DNAAF1: variants seen among roughly 807,000 people sequenced by gnomAD.
The protein encoded by DNAAF1 is dynein assembly factor 1, axonemal.
A neutral mutation model predicts 71.1 loss-of-function variants in DNAAF1; 65 were observed. The ratio of observed to expected loss-of-function variants is 0.91; its 90% CI spans 0.75 to 1.12. The LOEUF is 1.12. DNAAF1 is among the 50% of genes most tolerant of loss of function. The pLI, the probability that DNAAF1 is intolerant of heterozygous loss-of-function variation, is 0.00. For missense variants in DNAAF1, 1,178 were observed against 899.8 expected, an observed-to-expected ratio of 1.31 and a Z score of -3.96; for synonymous variants, 414 against 354.6, an observed-to-expected ratio of 1.17 and a Z score of -1.88.
intron 6 of DNAAF1, among the ~76,000 whole-genome samples, chr16:84,160,178 G>A (rs2087633517): frequency 6.6e-6 from 1 of 152,146 alleles, no homozygotes; most frequent in African/African-American, 2.4e-5. Context: ...ACCATGAAAG[G>A]AAATCTTTGC....
At chr16:84,156,851 C>CTTTTTTTTTTTTTTT (rs778916785) in intron 5 of DNAAF1, among the ~76,000 whole-genome samples, 10 of 111,808 alleles carry the variant, frequency 8.9e-5, no homozygotes, top group African/African-American at 3.2e-4. Context: ...TTCTTTCTTT[C>CTTTTTTTTTTTTTTT]TTTTTTTTTT....
chr16:84,149,969 G>A (rs932182061), intron 2 of DNAAF1, among the ~76,000 whole-genome samples: 1 of 151,880 alleles, frequency 6.6e-6, no homozygotes, highest in Non-Finnish European at 1.5e-5. Context: ...AGTTTGCAGT[G>A]AGCTGAGATT....
intron 7 of DNAAF1, among the ~76,000 whole-genome samples, chr16:84,166,585 C>T (rs149418974): frequency 0.016 from 2,480 of 152,096 alleles, 54 homozygotes; most frequent in Middle Eastern, 0.031. Flanking sequence ...GTTGCCCACG[C>T]TGGTCTCAAA....
intron 5 of DNAAF1, among the ~76,000 whole-genome samples, chr16:84,156,337 A>C (rs1260513886): frequency 6.6e-6 from 1 of 152,224 alleles, no homozygotes; most frequent in Non-Finnish European, 1.5e-5. Context: ...AGCTGATTGC[A>C]TCCTTGTGGT....
Position 84,177,394 on chromosome 16 carries a change from G to A in DNAAF1, c.2066-335G>A, listed in dbSNP as rs4150190. ...AGGTTCAAGCAATTCTCCTGCCTCC[G>A]CCTCTGAAGTAGCTGGGATTACAGG... On this transcript the variant is annotated intron_variant, in intron 11 of 11. Transcript: ENST00000378553. 740 of 359,594 alleles carry A rather than the reference G, an allele frequency of 2.1e-3. 7 individuals carry two copies. The highest frequency in any genetic ancestry group is 0.014 in the African/African-American group (672 of 47,144). The allele number at this position is 359,594 out of a possible 1,614,324, so 22.3% of individuals were successfully genotyped here. A position where few individuals can be genotyped will look rare whatever the true frequency, so the allele number is the denominator to read the frequency against.
chr16:84,149,630 G>T (rs1397816592), intron 2 of DNAAF1, among the ~76,000 whole-genome samples: 1 of 146,578 alleles, frequency 6.8e-6, no homozygotes, highest in Non-Finnish European at 1.5e-5. Flanking sequence ...GGCGAAGGTT[G>T]CAGTGAGCCG....
Position 84,156,533 on chromosome 16 carries a change from T to C in DNAAF1, c.741+784T>C, listed in dbSNP as rs901155491. ...CTTTTGTTGTTTTAAGATTCACTAGTGGGTTCAGATATTGTCAGCCTGGTC... is the reference window on the plus strand; with the variant it reads ...CTTTTGTTGTTTTAAGATTCACTAGCGGGTTCAGATATTGTCAGCCTGGTC... On this transcript the variant is annotated intron_variant, in intron 5 of 11. Transcript: ENST00000378553. Among the ~76,000 whole-genome samples the C allele has an allele frequency of 2.6e-5, 4 of 152,226 alleles. 1 individual carries two copies. The highest frequency in any genetic ancestry group is 9.6e-5 in the African/African-American group (4 of 41,458).
chr16:84,176,954 G>A (rs1266702636), intron 11 of DNAAF1: 2 of 168,022 alleles, frequency 1.2e-5, no homozygotes, highest in East Asian at 1.6e-4. Context: ...GGGAGCAGCC[G>A]GTTAGTGCTG....
At chr16:84,168,831 C>CACACACACAT (rs1361108788) in intron 7 of DNAAF1, among the ~76,000 whole-genome samples, 3 of 150,982 alleles carry the variant, frequency 2.0e-5, no homozygotes, top group Non-Finnish European at 4.4e-5. Context: ...GCCACATACA[C>CACACACACAT]ACACACACAC....
intron 6 of DNAAF1, among the ~76,000 whole-genome samples, chr16:84,165,208 T>G (rs1474930449): frequency 6.6e-6 from 1 of 152,198 alleles, no homozygotes; most frequent in African/African-American, 2.4e-5. Context: ...TAGCCTGCCT[T>G]TTCATTTTTT....
At chr16:84,172,774 A>T in intron 9 of DNAAF1, 1 of 1,107,124 alleles carries the variant, frequency 9.0e-7, no homozygotes, top group South Asian at 2.4e-5. Context: ...GTATCTTTAT[A>T]CATTGTATCT....
At chr16:84,169,148 A>T (rs2088187552) in intron 7 of DNAAF1, among the ~76,000 whole-genome samples, 1 of 131,682 alleles carries the variant, frequency 7.6e-6, no homozygotes, top group Non-Finnish European at 1.5e-5. Flanking sequence ...GCGGTGACTC[A>T]CTGCAACCTC....
chr16:84,176,829 G>C (rs1030157296), intron 11 of DNAAF1: 2 of 180,626 alleles, frequency 1.1e-5, no homozygotes, highest in African/African-American at 4.7e-5. Flanking sequence ...AGGGGCACCA[G>C]GCAGGGACGG....
intron 1 of DNAAF1, among the ~76,000 whole-genome samples, chr16:84,146,303 T>C (rs921135025): frequency 9.2e-5 from 14 of 152,166 alleles, no homozygotes; most frequent in Non-Finnish European, 1.6e-4. Flanking sequence ...GGGCAAGACA[T>C]CTTGATTGAA....
chr16:84,174,086 A>G, intron 9 of DNAAF1: 1 of 565,958 alleles, frequency 1.8e-6, no homozygotes. Flanking sequence ...AGAAACAGAG[A>G]GGTTAGGCAA....
At position 84,175,939 on chromosome 16, in the gene DNAAF1, T is replaced by G. The variant is rs879125541; in HGVS notation, c.1705T>G (p.Cys569Gly). Reference sequence around the variant, plus strand: ...CCTTTTCTTCTGTAAATAGAATATGTGCTTTCCGAAGATTGAGGTCATCTC... The same window carrying G: ...CCTTTTCTTCTGTAAATAGAATATGGGCTTTCCGAAGATTGAGGTCATCTC... ...TGKSLEDQNMCFPKIEVISSL... is the reference protein window; with the variant it reads ...TGKSLEDQNMGFPKIEVISSL... The change falls in exon 11 of 12, where the codon TGC becomes GGC. Residue 569 changes from cysteine to glycine, a missense_variant. Physicochemically the swap from Cys to Gly is radical, Grantham distance 159. Transcript: ENST00000378553. 1.2e-6 allele frequency: 2 copies of G among 1,614,168 alleles called. No individual in the cohort carries two copies. Among genetic ancestry groups the G allele is most frequent in the Admixed American group, 3.3e-5 (2 of 60,034 alleles).
chr16:84,147,433 T>G (rs555416219), intron 1 of DNAAF1, among the ~76,000 whole-genome samples: 2 of 152,314 alleles, frequency 1.3e-5, no homozygotes, highest in South Asian at 2.1e-4. Context: ...TTTAAAAAAA[T>G]TATTCATTTG....
intron 1 of DNAAF1, among the ~76,000 whole-genome samples, chr16:84,145,932 C>T (rs1009140153): frequency 2.0e-5 from 3 of 152,062 alleles, no homozygotes. Flanking sequence ...CCTGTCTCTA[C>T]TAAAAATACA....
At chr16:84,155,804 A>G in intron 5 of DNAAF1, 55 bp downstream of exon 5, 10 of 1,597,128 alleles carry the variant, frequency 6.3e-6, no homozygotes, top group Non-Finnish European at 8.5e-6. Flanking sequence ...CGCTTCTATT[A>G]TTTTCATCAA....
Sources: gnomAD v4.1 joint callset for allele counts (sites outside exome capture counted in the v4.1 genomes callset) on GRCh38, gnomAD v4.1.1 for gene constraint, MANE v1.5 for transcripts, NCBI Gene and HGNC (gene_info 2026-07-23, HGNC 2026-07-21) for gene names.